ABHD2: variants seen among roughly 807,000 people sequenced by gnomAD.
The protein encoded by ABHD2 is monoacylglycerol lipase ABHD2.
ABHD2 carries 20 observed loss-of-function variants against 48.1 expected under a neutral mutation model. The ratio of observed to expected loss-of-function variants is 0.42; its 90% CI spans 0.29 to 0.60. ABHD2 has a LOEUF of 0.60. ABHD2 is among the 20% of genes least tolerant of loss of function. The pLI, the probability that ABHD2 is intolerant of heterozygous loss-of-function variation, is 0.24. For synonymous variants in ABHD2, 209 were observed against 214.2 expected (o/e 0.98, Z 0.21); for missense variants, 405 against 550.9 (o/e 0.74, Z 2.65).
intron 3 of ABHD2, among the ~76,000 whole-genome samples, chr15:89,149,214 A>AAT (rs2050549246): frequency 6.7e-6 from 1 of 148,238 alleles, no homozygotes; most frequent in East Asian, 2.0e-4. Flanking sequence ...ATTGATCCCT[A>AAT]ACACACACAC....
chr15:89,145,766 A>G (rs1317702248), intron 3 of ABHD2, among the ~76,000 whole-genome samples: 1 of 152,120 alleles, frequency 6.6e-6, no homozygotes, highest in Non-Finnish European at 1.5e-5. Context: ...TGGGACATTG[A>G]CCTTTGAGTA....
intron 9 of ABHD2, 98 bp from the exon 10 acceptor site, chr15:89,193,137 G>C (rs1382278188): frequency 8.5e-7 from 1 of 1,175,848 alleles, no homozygotes; most frequent in African/African-American, 1.5e-5. Flanking sequence ...TCTTCCCTTT[G>C]CTTCAAAAAC....
At chr15:89,076,576 T>A in the ABHD2 span, among the ~76,000 whole-genome samples, 1 of 152,160 alleles carries the variant, frequency 6.6e-6, no homozygotes, top group Non-Finnish European at 1.5e-5. Context: ...CTCTACCTCC[T>A]GGGCTCAGGT....
chr15:89,049,336 C>T, the ABHD2 span, among the ~76,000 whole-genome samples: 1 of 152,252 alleles, frequency 6.6e-6, no homozygotes, highest in Non-Finnish European at 1.5e-5. Flanking sequence ...TTACTGCTGT[C>T]TTTTTGTTTG....
At position 89,177,642 on chromosome 15, in the gene ABHD2, A is replaced by G. The variant is rs1184438550; in HGVS notation, c.722+1647A>G. Among the ~76,000 whole-genome samples, 2 of 151,982 alleles carry G rather than the reference A, an allele frequency of 1.3e-5. No homozygotes were observed. Among genetic ancestry groups the G allele is most frequent in the Non-Finnish European group, 2.9e-5 (2 of 68,012 alleles). On this transcript the variant is annotated intron_variant, in intron 6 of 10. Transcript: ENST00000352732. This position sits in a 1 kb window ranked among gnomAD's most constrained non-coding sequence, Gnocchi z 5.6. ...CTAGTCCCCCATCTTCCTACCAGGAATCTTTTCCTTCACTCCTCTGGACAC... is the reference window on the plus strand; with the variant it reads ...CTAGTCCCCCATCTTCCTACCAGGAGTCTTTTCCTTCACTCCTCTGGACAC...
Position 89,165,006 on chromosome 15 carries a change from C to T in ABHD2, c.538+9472C>T, listed in dbSNP as rs757304485. On this transcript the variant is annotated intron_variant, in intron 5 of 10. Coordinates refer to ENST00000352732, the MANE Select transcript of ABHD2 (RefSeq NM_152924.5). Reference sequence around the variant, plus strand: ...GTGAACTTTGGAATTTCTGCAAGGACGAGTTTAAGAACCTGCTCGTGTTGA... The same window carrying T: ...GTGAACTTTGGAATTTCTGCAAGGATGAGTTTAAGAACCTGCTCGTGTTGA... Among the ~76,000 whole-genome samples, 10 of 152,226 alleles carry T rather than the reference C, an allele frequency of 6.6e-5. No homozygotes were observed. In the South Asian group the frequency reaches 1.0e-3, roughly 16 times the overall value.
intron 3 of ABHD2, among the ~76,000 whole-genome samples, chr15:89,121,601 ACCTCC>A (rs1339719743): frequency 6.6e-6 from 1 of 151,288 alleles, no homozygotes. Context: ...GTGTACTATG[ACCTCC>A]CTGCCTCTGA....
At chr15:89,099,610 C>T (rs1387950794) in intron 1 of ABHD2, among the ~76,000 whole-genome samples, 1 of 151,836 alleles carries the variant, frequency 6.6e-6, no homozygotes, top group Non-Finnish European at 1.5e-5. Flanking sequence ...AAGACCTTGT[C>T]TCTATAAATT....
At position 89,175,981 on chromosome 15, in the gene ABHD2, G is replaced by T. The variant is rs756472065; in HGVS notation, c.708G>T (p.Gly236=). The change falls in exon 6 of 11, where the codon GGG becomes GGT. Residue 236 remains glycine (G), a synonymous_variant. Transcript: ENST00000352732. The surrounding 1 kb of genome is among the most constrained non-coding windows in gnomAD (Gnocchi z 5.7). The part of the protein sequence containing the change: ...KVLCCVSVCQ[G]YSALRAQETF... ...TGTGCTGCGTCAGCGTGTGCCAGGG[G>T]TACAGTGCACTGAGGTGAGTCATCT... The T allele has an allele frequency of 1.9e-6, 3 of 1,609,970 alleles. No individual in the cohort carries two copies. The highest frequency in any genetic ancestry group is 2.7e-5 in the African/African-American group (2 of 74,812).
rs1035243978 is a variant in ABHD2, at chr15:89,184,823, A to G, written c.723-601A>G. ...AGAGGCAGAAAGACACTTCCAGACC[A>G]GCCCCACCAGCTGTGCCTACAAAGG... On this transcript the variant is annotated intron_variant, in intron 6 of 10. Transcript: ENST00000352732. The surrounding 1 kb of genome is among the most constrained non-coding windows in gnomAD (Gnocchi z 5.1). Among the ~76,000 whole-genome samples, 6 of 152,236 alleles carry G rather than the reference A, an allele frequency of 3.9e-5. No homozygotes were observed. The highest frequency in any genetic ancestry group is 1.4e-4 in the African/African-American group (6 of 41,462).
At chr15:89,123,330 C>T (rs531267480) in intron 3 of ABHD2, among the ~76,000 whole-genome samples, 30 of 152,248 alleles carry the variant, frequency 2.0e-4, no homozygotes, top group Admixed American at 1.2e-3. Context: ...AAGCTCCAAA[C>T]GGAAATCCAA....
the ABHD2 span, among the ~76,000 whole-genome samples, chr15:89,057,972 C>T: frequency 1.3e-5 from 2 of 152,144 alleles, no homozygotes; most frequent in Non-Finnish European, 2.9e-5. Flanking sequence ...CCTAGCTCCC[C>T]ACTTACAAAT....
At chr15:89,113,555 G>T (rs566044558) in intron 1 of ABHD2, among the ~76,000 whole-genome samples, 170 bp from the exon 2 acceptor site, 1 of 152,184 alleles carries the variant, frequency 6.6e-6, no homozygotes, top group Admixed American at 6.5e-5. Flanking sequence ...AAGCCTTCCC[G>T]CAGCAGGCTT....
chr15:89,159,248 G>C (rs1001328514), intron 5 of ABHD2, among the ~76,000 whole-genome samples: 20 of 151,898 alleles, frequency 1.3e-4, no homozygotes, highest in Non-Finnish European at 2.1e-4. Flanking sequence ...ATGGTGGCAG[G>C]CACCTGTAAT....
intron 3 of ABHD2, among the ~76,000 whole-genome samples, chr15:89,122,263 A>G (rs777065784): frequency 2.6e-5 from 4 of 152,170 alleles, no homozygotes; most frequent in African/African-American, 7.2e-5. Flanking sequence ...AAAATGTTCC[A>G]TCTTGTTTTA....
chr15:89,098,762 T>C (rs1173610900), intron 1 of ABHD2, among the ~76,000 whole-genome samples: 1 of 152,228 alleles, frequency 6.6e-6, no homozygotes, highest in Non-Finnish European at 1.5e-5. Context: ...CCATCTATCA[T>C]TAATATCACC....
At position 89,185,242 on chromosome 15, in the gene ABHD2, C is replaced by T. The variant is rs963791271; in HGVS notation, c.723-182C>T. Among the ~76,000 whole-genome samples, 1 of 152,176 alleles carries T rather than the reference C, an allele frequency of 6.6e-6. No homozygotes were observed. Among genetic ancestry groups the T allele is most frequent in the Non-Finnish European group, 1.5e-5 (1 of 68,020 alleles). On this transcript the variant is annotated intron_variant, in intron 6 of 10. Transcript: ENST00000352732. The surrounding 1 kb of genome is among the most constrained non-coding windows in gnomAD (Gnocchi z 5.9). Reference sequence around the variant, plus strand: ...CTTCCCCTGCGCTGTCTTGGTGTCTCCATAGATTTCTCCACAGGTGTTTGA... The same window carrying T: ...CTTCCCCTGCGCTGTCTTGGTGTCTTCATAGATTTCTCCACAGGTGTTTGA...
the ABHD2 span, among the ~76,000 whole-genome samples, chr15:89,060,277 G>T: frequency 2.0e-5 from 3 of 151,636 alleles, no homozygotes; most frequent in South Asian, 4.2e-4. Flanking sequence ...ATTTAGTAGA[G>T]ACAGGGTTTC....
rs1444026116 is a variant in ABHD2, at chr15:89,175,855, G to A, written c.582G>A (p.Lys194=). ...EFGAMVNYIK[K]TYPLTQLVVV... is the part of the protein sequence containing the mutation. ...GAGCCATGGTGAACTACATCAAGAA[G>A]ACATATCCCCTGACCCAGCTGGTCG... The change falls in exon 6 of 11, where the codon AAG becomes AAA. Residue 194 remains lysine (K), a synonymous_variant. Coordinates refer to ENST00000352732, the MANE Select transcript of ABHD2 (RefSeq NM_152924.5). The surrounding 1 kb of genome is among the most constrained non-coding windows in gnomAD (Gnocchi z 5.7). 6.2e-7 allele frequency: 1 copy of A among 1,614,118 alleles called. No individual in the cohort carries two copies. The highest frequency in any genetic ancestry group is 1.1e-5 in the South Asian group (1 of 91,076).
Sources: allele counts gnomAD v4.1 joint callset (sites outside exome capture counted in the v4.1 genomes callset), GRCh38; gene constraint gnomAD v4.1.1; non-coding constraint Gnocchi (gnomAD v3.1); transcripts MANE v1.5; gene names NCBI Gene and HGNC (gene_info 2026-07-23, HGNC 2026-07-21).